Variants in CCDC178 observed in about 807,000 individuals in gnomAD.
CCDC178 encodes the protein coiled-coil domain containing 178.
CCDC178 carries 126 observed loss-of-function variants against 117.4 expected under a neutral mutation model. The ratio of observed to expected loss-of-function variants is 1.07; its 90% CI spans 0.93 to 1.24. The LOEUF is 1.24. Among genes scored for constraint, CCDC178 ranks in the 50% most tolerant of loss-of-function variants. The pLI is 0.00. For synonymous variants in CCDC178, 283 were observed against 313.4 expected, an observed-to-expected ratio of 0.90 and a Z score of 1.02; for missense variants, 1,030 against 986.9, an observed-to-expected ratio of 1.04 and a Z score of -0.59.
intron 21 of CCDC178, among the ~76,000 whole-genome samples, chr18:33,041,865 A>C (rs1180084264): frequency 6.6e-6 from 1 of 151,866 alleles, no homozygotes; most frequent in Non-Finnish European, 1.5e-5. Context: ...TCAATGAAGA[A>C]AAAAGGCTAT....
intron 22 of CCDC178, 129 bp downstream of exon 22, chr18:32,974,418 G>T: frequency 1.2e-6 from 1 of 807,482 alleles, no homozygotes; most frequent in Non-Finnish European, 2.0e-6. Flanking sequence ...TGCAATTCCA[G>T]TTTATTAAAG....
chr18:33,369,067 G>A (rs1024984854), intron 6 of CCDC178, among the ~76,000 whole-genome samples: 2 of 151,758 alleles, frequency 1.3e-5, no homozygotes, highest in African/African-American at 4.8e-5. Context: ...CAAAGCCCAG[G>A]ACACCATCAG....
intron 18 of CCDC178, among the ~76,000 whole-genome samples, chr18:33,215,902 C>T (rs1262041090): frequency 6.6e-6 from 1 of 151,932 alleles, no homozygotes; most frequent in Non-Finnish European, 1.5e-5. Flanking sequence ...TCAAGACCAA[C>T]CTGGACAACA....
chr18:33,369,858 G>C (rs1193104765), intron 6 of CCDC178, among the ~76,000 whole-genome samples, 192 bp downstream of exon 6: 4 of 151,928 alleles, frequency 2.6e-5, no homozygotes, highest in Non-Finnish European at 4.4e-5. Flanking sequence ...TAATAAGGTC[G>C]TTTCACCCTT....
intron 12 of CCDC178, among the ~76,000 whole-genome samples, chr18:33,285,788 A>T (rs902547187): frequency 2.0e-5 from 3 of 152,208 alleles, no homozygotes; most frequent in African/African-American, 4.8e-5. Context: ...GTATATTTTT[A>T]AAATCTTTAG....
intron 2 of CCDC178, among the ~76,000 whole-genome samples, chr18:33,426,244 C>T (rs1201091660): frequency 2.6e-5 from 4 of 152,284 alleles, no homozygotes; most frequent in Admixed American, 6.5e-5. Flanking sequence ...CTTTAATATT[C>T]TATAATGCTT....
At chr18:32,991,850 G>T (rs1001445558) in intron 21 of CCDC178, among the ~76,000 whole-genome samples, 1 of 152,152 alleles carries the variant, frequency 6.6e-6, no homozygotes, top group African/African-American at 2.4e-5. Context: ...TGCTCCTGAA[G>T]AATTCTGTGT....
intron 21 of CCDC178, among the ~76,000 whole-genome samples, chr18:33,055,825 G>A (rs1464447387): frequency 1.4e-5 from 2 of 139,254 alleles, no homozygotes; most frequent in Admixed American, 7.0e-5. Context: ...TTTTTTTTGA[G>A]AAGGAGTCTT....
In CCDC178 at chr18:33,348,960, GGAA is replaced by G. The variant is rs2062933375; in HGVS notation, c.384_386del (p.Ser129del). 1 of 1,607,936 alleles carries G rather than the reference GGAA, an allele frequency of 6.2e-7. No individual in the cohort carries two copies. Among genetic ancestry groups the G allele is most frequent in the South Asian group, 1.1e-5 (1 of 90,418 alleles). ...TCCAATCTTCTTTCAGGTCTTTTGT[GGAA>G]GAAGTTCTGCTCCTATATAATGGGA... is the stretch of plus-strand genomic sequence containing the variant. On this transcript the variant is annotated inframe_deletion, in exon 8 of 23. Transcript: ENST00000383096.
At chr18:33,365,355 T>C (rs1478344639) in intron 6 of CCDC178, among the ~76,000 whole-genome samples, 1 of 152,080 alleles carries the variant, frequency 6.6e-6, no homozygotes, top group South Asian at 2.1e-4. Context: ...AGCTGACACA[T>C]TGTCAAGGAC....
intron 22 of CCDC178, among the ~76,000 whole-genome samples, chr18:32,947,701 A>C (rs1470948889): frequency 6.6e-6 from 1 of 152,182 alleles, no homozygotes; most frequent in Non-Finnish European, 1.5e-5. Flanking sequence ...TTAGAAGGTC[A>C]GAAGTTTTAC....
At chr18:33,106,871 G>C (rs1333614422) in intron 20 of CCDC178, among the ~76,000 whole-genome samples, 1 of 151,670 alleles carries the variant, frequency 6.6e-6, no homozygotes, top group African/African-American at 2.4e-5. Context: ...ACCTATAACT[G>C]TCTTTGAAGA....
chr18:33,009,985 G>T (rs527715578), intron 21 of CCDC178, among the ~76,000 whole-genome samples: 1 of 152,170 alleles, frequency 6.6e-6, no homozygotes, highest in East Asian at 1.9e-4. Context: ...TTAATTCTAT[G>T]ACATTGGCCA....
At chr18:33,040,711 C>G (rs1357989382) in intron 21 of CCDC178, among the ~76,000 whole-genome samples, 2 of 151,830 alleles carry the variant, frequency 1.3e-5, no homozygotes, top group Non-Finnish European at 2.9e-5. Flanking sequence ...TTAAAATGAA[C>G]TCAAGGAAAA....
chr18:33,207,318 T>G (rs995172461), intron 20 of CCDC178, among the ~76,000 whole-genome samples: 1 of 152,100 alleles, frequency 6.6e-6, no homozygotes, highest in African/African-American at 2.4e-5. Flanking sequence ...AATTAAATGT[T>G]TGTAAATTAA....
intron 2 of CCDC178, among the ~76,000 whole-genome samples, chr18:33,433,665 G>A (rs1210922372): frequency 6.6e-6 from 1 of 152,096 alleles, no homozygotes; most frequent in Non-Finnish European, 1.5e-5. Flanking sequence ...CATAATTACA[G>A]CTTTAAGCTG....
rs773832026 is a variant in CCDC178, at chr18:33,389,532, G to A, written c.208+8C>T. 3 of 1,423,688 alleles carry A rather than the reference G, an allele frequency of 2.1e-6. No individual in the cohort carries two copies. The highest frequency in any genetic ancestry group is 4.4e-5 in the Admixed American group (2 of 45,682). The allele number at this position is 1,423,688 out of a possible 1,614,324, so 88.2% of individuals were successfully genotyped here. On this transcript the variant is annotated splice_region_variant and intron_variant, in intron 5 of 22. Coordinates refer to ENST00000383096, the MANE Select transcript of CCDC178 (RefSeq NM_001105528.4). ...TAGTTTACTATATGATTTACATTCA[G>A]TCCTCACCTTCAGTATTTGTCATTT...
At chr18:33,393,115 A>G (rs941483902) in intron 4 of CCDC178, among the ~76,000 whole-genome samples, 3 of 152,098 alleles carry the variant, frequency 2.0e-5, no homozygotes, top group African/African-American at 7.2e-5. Flanking sequence ...CAACTCCAAG[A>G]CTGGTTGTCA....
intron 21 of CCDC178, among the ~76,000 whole-genome samples, chr18:32,994,033 A>G (rs2055451390): frequency 6.6e-6 from 1 of 152,010 alleles, no homozygotes; most frequent in South Asian, 2.1e-4. Context: ...CCCCACCCCA[A>G]GCAGAAAGAA....
Sources: allele counts gnomAD v4.1 joint callset (sites outside exome capture counted in the v4.1 genomes callset), GRCh38; gene constraint gnomAD v4.1.1; transcripts MANE v1.5; gene names NCBI Gene and HGNC (gene_info 2026-07-23, HGNC 2026-07-21).